PCDHGA11: variants seen among roughly 807,000 people sequenced by gnomAD.
PCDHGA11 encodes the protein protocadherin gamma-A11.
Under a neutral mutation model 60.4 loss-of-function variants are expected in PCDHGA11, and 39 were observed. The ratio of observed to expected loss-of-function variants is 0.65; its 90% CI spans 0.50 to 0.84. The LOEUF (loss-of-function observed/expected upper bound fraction) is 0.84, where lower values mean the gene tolerates loss of function less well. Among genes scored for constraint, PCDHGA11 ranks in the 40% least tolerant of loss-of-function variants. PCDHGA11 has a pLI of 0.00. For synonymous variants in PCDHGA11, 533 were observed against 510.3 expected (o/e 1.04, Z -0.60); for missense variants, 1,165 against 1,197.7 (o/e 0.97, Z 0.40).
Position 141,486,954 on chromosome 5 carries a change from C to T in PCDHGA11, c.2434-7853C>T, listed in dbSNP as rs764632268. 3.7e-6 allele frequency: 6 copies of T among 1,614,114 alleles called. 1 individual carries two copies. The South Asian group carries it at 6.6e-5, about 18-fold the overall frequency. On this transcript the variant is annotated intron_variant, in intron 1 of 3. Coordinates refer to ENST00000398587, the MANE Select transcript of PCDHGA11 (RefSeq NM_018914.3). The surrounding 1 kb of genome is among the most constrained non-coding windows in gnomAD (Gnocchi z 5.0). ...GCTGGCCACCTAATCACAAAGGTGA[C>T]TGCTGTGGACTTGGATTCAGGTTAC...
intron 1 of PCDHGA11, among the ~76,000 whole-genome samples, chr5:141,463,099 A>G (rs1445730117): frequency 1.4e-4 from 21 of 152,204 alleles, no homozygotes; most frequent in Admixed American, 1.4e-3. Context: ...CTATGTGACC[A>G]TCAAGAATTC....
intron 1 of PCDHGA11, among the ~76,000 whole-genome samples, chr5:141,462,363 G>C (rs1425898350): frequency 6.6e-6 from 1 of 152,132 alleles, no homozygotes; most frequent in Non-Finnish European, 1.5e-5. Context: ...ACATTGTATA[G>C]TTTCTATTCT....
chr5:141,430,521 A>G, intron 1 of PCDHGA11: 1 of 350,390 alleles, frequency 2.9e-6, no homozygotes, highest in Non-Finnish European at 5.1e-6. Context: ...TTGTGCAGTA[A>G]TTGGTTAGGA....
At chr5:141,433,381 A>ATCTG (rs1561869478) in intron 1 of PCDHGA11, among the ~76,000 whole-genome samples, 2 of 151,148 alleles carry the variant, frequency 1.3e-5, no homozygotes, top group Non-Finnish European at 2.9e-5. Flanking sequence ...CTATCTATCT[A>ATCTG]TCTATCTATC....
chr5:141,496,287 C>T (rs768553690), intron 2 of PCDHGA11, among the ~76,000 whole-genome samples: 3 of 152,200 alleles, frequency 2.0e-5, no homozygotes, highest in Non-Finnish European at 4.4e-5. Flanking sequence ...TTGGTCTGAG[C>T]AGAGTGGGAT....
At chr5:141,496,021 G>A (rs1011612662) in intron 2 of PCDHGA11, among the ~76,000 whole-genome samples, 1 of 151,336 alleles carries the variant, frequency 6.6e-6, no homozygotes, top group Admixed American at 6.6e-5. Context: ...TTTTCTCTGA[G>A]CCTCTGTCTC....
At chr5:141,456,058 C>T (rs1488082918) in intron 1 of PCDHGA11, among the ~76,000 whole-genome samples, 3 of 151,880 alleles carry the variant, frequency 2.0e-5, no homozygotes, top group Admixed American at 6.6e-5. Context: ...CCACCACGTC[C>T]GGCTAATTTT....
intron 1 of PCDHGA11, among the ~76,000 whole-genome samples, chr5:141,472,245 T>A (rs1217786736): frequency 6.6e-6 from 1 of 152,144 alleles, no homozygotes; most frequent in East Asian, 1.9e-4. Context: ...ACTTTCTATT[T>A]TAAAGTTATA....
At chr5:141,502,139 C>G (rs923501238) in intron 2 of PCDHGA11, among the ~76,000 whole-genome samples, 1 of 152,104 alleles carries the variant, frequency 6.6e-6, no homozygotes, top group Non-Finnish European at 1.5e-5. Flanking sequence ...TCAGTCGGGC[C>G]GGAAGTAAGG....
chr5:141,428,204 C>G, intron 1 of PCDHGA11: 2 of 1,324,722 alleles, frequency 1.5e-6, no homozygotes, highest in Non-Finnish European at 1.1e-6. Context: ...TGCGCCGCTA[C>G]GCTTCACCTA....
chr5:141,425,934 G>A lies in PCDHGA11; in HGVS notation c.2433+2274G>A, dbSNP rs1237431530. Among the ~76,000 whole-genome samples, 4 of 152,352 alleles carry A rather than the reference G, an allele frequency of 2.6e-5. 1 individual carries two copies. Among genetic ancestry groups the A allele is most frequent in the East Asian group, 1.9e-4 (1 of 5,188 alleles). On this transcript the variant is annotated intron_variant, in intron 1 of 3. Coordinates refer to ENST00000398587, the MANE Select transcript of PCDHGA11 (RefSeq NM_018914.3). ...CAGTCACTACGAAAACTCATAAAAT[G>A]TCTAGTTTCCTATACATTAGTCCAA...
chr5:141,439,629 A>G (rs1262264623), intron 1 of PCDHGA11, among the ~76,000 whole-genome samples: 1 of 152,208 alleles, frequency 6.6e-6, no homozygotes, highest in East Asian at 1.9e-4. Flanking sequence ...CAATCCCCAG[A>G]CATTCCGGCT....
At chr5:141,449,630 T>A (rs1006977026) in intron 1 of PCDHGA11, among the ~76,000 whole-genome samples, 6 of 150,024 alleles carry the variant, frequency 4.0e-5, no homozygotes, top group Non-Finnish European at 8.9e-5. Flanking sequence ...TTTAAAAAGA[T>A]GTATCTATAT....
chr5:141,491,747 G>C lies in PCDHGA11; in HGVS notation c.2434-3060G>C. 6.3e-7 allele frequency: 1 copy of C among 1,591,872 alleles called. No homozygotes were observed. The highest frequency in any genetic ancestry group is 8.5e-7 in the Non-Finnish European group (1 of 1,170,328). ...CGGGCGACCCCTGGGGGCGGCACTG[G>C]AGAAGCCGCCCGTCCTCATAAGGGA... On this transcript the variant is annotated intron_variant, in intron 1 of 3. Transcript: ENST00000398587. This position sits in a 1 kb window ranked among gnomAD's most constrained non-coding sequence, Gnocchi z 6.9.
chr5:141,508,599 G>T lies in PCDHGA11; in HGVS notation c.2582-2348G>T, dbSNP rs948748985. On this transcript the variant is annotated intron_variant, in intron 3 of 3. Coordinates refer to ENST00000398587, the MANE Select transcript of PCDHGA11 (RefSeq NM_018914.3). ...CTCGGGGTGCTACTCAGAGATCTTGGGTGCACATAGGACGTGGGTGGGCCG... is the reference window on the plus strand; with the variant it reads ...CTCGGGGTGCTACTCAGAGATCTTGTGTGCACATAGGACGTGGGTGGGCCG... Among the ~76,000 whole-genome samples the T allele has an allele frequency of 3.9e-5, 6 of 152,212 alleles. No individual in the cohort carries two copies. The South Asian group carries it at 1.2e-3, about 32-fold the overall frequency.
At chr5:141,510,580 G>A (rs947369646) in intron 3 of PCDHGA11, among the ~76,000 whole-genome samples, 7 of 152,248 alleles carry the variant, frequency 4.6e-5, no homozygotes, top group South Asian at 2.1e-4. Flanking sequence ...ACTATTTTAC[G>A]TACCTGACAT....
chr5:141,498,093 G>T (rs975304630), intron 2 of PCDHGA11, among the ~76,000 whole-genome samples: 4 of 152,220 alleles, frequency 2.6e-5, no homozygotes, highest in Admixed American at 1.3e-4. Context: ...AATTGTATCT[G>T]GTGGTGTGGG....
rs374655655 is a variant in PCDHGA11, at chr5:141,431,023, C to A, written c.2433+7363C>A. 1 of 1,613,748 alleles carries A rather than the reference C, an allele frequency of 6.2e-7. No homozygotes were observed. The highest frequency in any genetic ancestry group is 2.2e-5 in the East Asian group (1 of 44,862). On this transcript the variant is annotated intron_variant, in intron 1 of 3. Coordinates refer to ENST00000398587, the MANE Select transcript of PCDHGA11 (RefSeq NM_018914.3). The surrounding 1 kb of genome is among the most constrained non-coding windows in gnomAD (Gnocchi z 4.8). ...GCAGCGGCAGCTTGGTCACGGCGGG[C>A]AGGATAGACCGGGAGGAGCTCTGTA...
At chr5:141,429,814 T>C (rs554065871) in intron 1 of PCDHGA11, among the ~76,000 whole-genome samples, 3 of 152,322 alleles carry the variant, frequency 2.0e-5, no homozygotes, top group African/African-American at 7.2e-5. Flanking sequence ...TAATTACAAT[T>C]AGGTCAGTTA....
Sources: allele counts gnomAD v4.1 joint callset (sites outside exome capture counted in the v4.1 genomes callset), GRCh38; gene constraint gnomAD v4.1.1; non-coding constraint Gnocchi (gnomAD v3.1); transcripts MANE v1.5; gene names NCBI Gene and HGNC (gene_info 2026-07-23, HGNC 2026-07-21).